QSOX1: variants seen among roughly 807,000 people sequenced by gnomAD.
QSOX1 encodes the protein sulfhydryl oxidase 1.
In QSOX1, 40 loss-of-function variants were observed where a neutral mutation model predicts 76.1. That is an observed-to-expected ratio of 0.53 (90% confidence interval 0.41 to 0.68). The LOEUF is 0.68. Ranked by LOEUF, QSOX1 falls within the 30% of genes least tolerant of loss-of-function variation. QSOX1 has a pLI of 0.00. For missense variants in QSOX1, 931 were observed against 974.3 expected (o/e 0.96, Z 0.59); for synonymous variants, 392 against 413.1 (o/e 0.95, Z 0.62).
chr1:180,171,864 C>T (rs1268172490), intron 2 of QSOX1, among the ~76,000 whole-genome samples: 1 of 152,190 alleles, frequency 6.6e-6, no homozygotes, highest in East Asian at 1.9e-4. Context: ...AGAGCAACCA[C>T]AAAATGTGGC....
intron 1 of QSOX1, among the ~76,000 whole-genome samples, chr1:180,160,090 G>C (rs920993358): frequency 6.6e-6 from 1 of 152,104 alleles, no homozygotes; most frequent in East Asian, 1.9e-4. Flanking sequence ...TCTTTGAGAG[G>C]ATACAGTGTA....
chr1:180,181,478 C>T (rs1308862546), intron 5 of QSOX1, among the ~76,000 whole-genome samples: 2 of 152,228 alleles, frequency 1.3e-5, no homozygotes, highest in Admixed American at 1.3e-4. Context: ...AAGGGCCCCT[C>T]TGACTACTGC....
intron 1 of QSOX1, among the ~76,000 whole-genome samples, chr1:180,161,639 A>ATT (rs1662496833): frequency 6.6e-6 from 1 of 152,196 alleles, no homozygotes; most frequent in African/African-American, 2.4e-5. Context: ...TACTTACCAA[A>ATT]TTGCTGTAAA....
chr1:180,184,969 C>T (rs1388687699), intron 7 of QSOX1, among the ~76,000 whole-genome samples: 3 of 152,164 alleles, frequency 2.0e-5, no homozygotes, highest in African/African-American at 7.2e-5. Flanking sequence ...GTTATGCAAA[C>T]CATTGACGTT....
chr1:180,195,256 A>G (rs1238393995), intron 11 of QSOX1, among the ~76,000 whole-genome samples: 1 of 152,104 alleles, frequency 6.6e-6, no homozygotes, highest in Non-Finnish European at 1.5e-5. Context: ...GGCCAGAAGC[A>G]GGGTGGTTCC....
chr1:180,180,548 T>G (rs1663004727), intron 5 of QSOX1, among the ~76,000 whole-genome samples: 1 of 149,950 alleles, frequency 6.7e-6, no homozygotes, highest in Non-Finnish European at 1.5e-5. Context: ...GGAGTCTCGC[T>G]CTGTCGCCCA....
intron 3 of QSOX1, 89 bp downstream of exon 3, chr1:180,175,455 TGGCAGTC>T (rs1247023289): frequency 7.0e-7 from 1 of 1,431,642 alleles, no homozygotes; most frequent in East Asian, 2.3e-5. Flanking sequence ...GAGAAAGCCC[TGGCAGTC>T]GGCAGGGTCG....
intron 4 of QSOX1, 69 bp from the exon 5 acceptor site, chr1:180,178,724 TG>T: frequency 7.2e-7 from 1 of 1,395,174 alleles, no homozygotes; most frequent in Non-Finnish European, 1.0e-6. Flanking sequence ...CACCAGCGTC[TG>T]GCGTTGCCAG....
intron 6 of QSOX1, 77 bp from the exon 7 acceptor site, chr1:180,183,839 C>G (rs1329305338): frequency 1.4e-6 from 2 of 1,441,040 alleles, no homozygotes; most frequent in African/African-American, 2.8e-5. Context: ...CACCCTTCTT[C>G]CTCTTCTGAC....
At chr1:180,187,880 G>A (rs1300396823) in intron 8 of QSOX1, among the ~76,000 whole-genome samples, 1 of 152,232 alleles carries the variant, frequency 6.6e-6, no homozygotes. Flanking sequence ...CACATCCCCT[G>A]GGGTCTGTAG....
Position 180,194,378 on chromosome 1 carries a change from A to G in QSOX1, c.1454A>G (p.Asn485Ser), listed in dbSNP as rs116570033. ...LWLWSSHNRV[N>S]ARLAGAPSED... is the part of the protein sequence containing the mutation. The stretch of plus-strand genomic sequence containing the variant: ...CTCTGGTCTAGCCACAACAGGGTCA[A>G]TGCTCGCCTTGCAGGTAAGGAAGGA... Residue 485 changes from asparagine to serine, a missense_variant, in exon 11 of 12, where the codon AAT becomes AGT. Transcript: ENST00000367602. 43 of 1,555,330 alleles carry G rather than the reference A, an allele frequency of 2.8e-5. No homozygotes were observed. Among genetic ancestry groups the G allele is most frequent in the African/African-American group, 8.2e-5 (6 of 73,546 alleles).
intron 5 of QSOX1, among the ~76,000 whole-genome samples, chr1:180,179,403 G>A (rs16855381): frequency 0.016 from 2,379 of 152,322 alleles, 77 homozygotes; most frequent in African/African-American, 0.054. Flanking sequence ...TGGGGCATCC[G>A]TGAGCCAGCT....
At chr1:180,155,785 C>T (rs1376783664) in intron 1 of QSOX1, among the ~76,000 whole-genome samples, 1 of 152,164 alleles carries the variant, frequency 6.6e-6, no homozygotes, top group Non-Finnish European at 1.5e-5. Flanking sequence ...CCTGACCTGC[C>T]GCCTCCAGCT....
intron 4 of QSOX1, among the ~76,000 whole-genome samples, chr1:180,176,311 G>T (rs1464568042): frequency 6.6e-6 from 1 of 152,250 alleles, no homozygotes; most frequent in African/African-American, 2.4e-5. Context: ...GGAAGGAAAA[G>T]ATGGATGGGG....
At chr1:180,188,843 C>T (rs187571457) in intron 8 of QSOX1, among the ~76,000 whole-genome samples, 12 of 152,384 alleles carry the variant, frequency 7.9e-5, no homozygotes, top group South Asian at 2.1e-4. Flanking sequence ...TCCTGCCCTC[C>T]GCCCCTTGTG....
chr1:180,181,837 A>G (rs546192434), intron 5 of QSOX1, among the ~76,000 whole-genome samples: 13 of 152,354 alleles, frequency 8.5e-5, no homozygotes, highest in Non-Finnish European at 1.5e-4. Flanking sequence ...AACGAGAATT[A>G]AAATGAAACC....
intron 1 of QSOX1, 40 bp from the exon 2 acceptor site, chr1:180,166,451 C>CGTA: frequency 6.6e-7 from 1 of 1,517,366 alleles, no homozygotes; most frequent in Non-Finnish European, 9.1e-7. Context: ...GAGGGGGTAC[C>CGTA]AGCCCCTCTT....
intron 5 of QSOX1, 66 bp downstream of exon 5, chr1:180,178,950 C>G (rs896016447): frequency 1.3e-5 from 19 of 1,443,388 alleles, no homozygotes; most frequent in Middle Eastern, 1.8e-4. Context: ...AGTTTGGGAG[C>G]AGGGCTTTTC....
At chr1:180,182,519 C>T (rs767391983) in intron 6 of QSOX1, among the ~76,000 whole-genome samples, 200 bp downstream of exon 6, 26 of 152,256 alleles carry the variant, frequency 1.7e-4, no homozygotes, top group African/African-American at 4.8e-4. Context: ...AACCCTGTTC[C>T]GCAGCTCAGA....
Sources: allele counts gnomAD v4.1 joint callset (sites outside exome capture counted in the v4.1 genomes callset), GRCh38; gene constraint gnomAD v4.1.1; transcripts MANE v1.5; gene names NCBI Gene and HGNC (gene_info 2026-07-23, HGNC 2026-07-21).